The following GLIS3 variants were observed in gnomAD, a reference collection of about 807,000 sequenced individuals.
GLIS3 encodes the protein GLIS family zinc finger 3.
In GLIS3, 53 loss-of-function variants were observed where a neutral mutation model predicts 78.6. The observed-to-expected ratio is 0.67, with a 90% confidence interval of 0.54 to 0.85. The LOEUF (loss-of-function observed/expected upper bound fraction) is 0.85. Ranked by LOEUF, GLIS3 falls within the 40% of genes least tolerant of loss-of-function variation. GLIS3 has a pLI of 0.00. For synonymous variants in GLIS3, 684 were observed against 509.9 expected, an observed-to-expected ratio of 1.34 and a Z score of -4.60; for missense variants, 1,703 against 1,231.1, an observed-to-expected ratio of 1.38 and a Z score of -5.74.
intron 8 of GLIS3, among the ~76,000 whole-genome samples, chr9:3,856,601 T>C (rs981920132): frequency 6.6e-5 from 10 of 152,174 alleles, no homozygotes; most frequent in African/African-American, 2.4e-4. Context: ...CTCACAAACA[T>C]TTTGTTTGTT....
chr9:4,450,375 G>C, the GLIS3 span, among the ~76,000 whole-genome samples: 1 of 152,182 alleles, frequency 6.6e-6, no homozygotes, highest in Non-Finnish European at 1.5e-5. Context: ...CGTTTGATTG[G>C]TGTACCTGAA....
chr9:4,458,750 A>G, the GLIS3 span, among the ~76,000 whole-genome samples: 1 of 152,156 alleles, frequency 6.6e-6, no homozygotes, highest in East Asian at 1.9e-4. Context: ...GTGAGATGAG[A>G]TCGCACCACT....
Position 4,342,734 on chromosome 9 carries a change from G to C in GLIS3, n.264+4347C>G, listed in dbSNP as rs116015717. Among the ~76,000 whole-genome samples, 1,087 of 152,250 alleles carry C rather than the reference G, an allele frequency of 7.1e-3. 17 individuals are homozygous for C. Among genetic ancestry groups the C allele is most frequent in the African/African-American group, 0.024 (1,008 of 41,532 alleles). ...TTGATTCTTCCAATCCATGAGCATGGCATGTTTTTGCATTTGTTTGTGTCA... is the reference window on the plus strand; with the variant it reads ...TTGATTCTTCCAATCCATGAGCATGCCATGTTTTTGCATTTGTTTGTGTCA... On this transcript the variant is annotated intron_variant and non_coding_transcript_variant, in intron 2 of 4. Transcript: ENST00000471664.
At chr9:3,834,911 C>T (rs1251338995) in intron 9 of GLIS3, among the ~76,000 whole-genome samples, 7 of 152,168 alleles carry the variant, frequency 4.6e-5, no homozygotes, top group Admixed American at 4.6e-4. Flanking sequence ...AAATGTGTCA[C>T]CCACTTTCTT....
At position 4,198,495 on chromosome 9, in the gene GLIS3, C is replaced by T. The variant is rs149056088; in HGVS notation, c.389-72554G>A. 5.3e-3 allele frequency among the ~76,000 whole-genome samples: 808 copies of T among 152,164 alleles called. 6 individuals carry two copies. Among genetic ancestry groups the T allele is most frequent in the Middle Eastern group, 0.01 (3 of 294 alleles). ...AACCAGTCTTTCAAACTAACCCCAT[C>T]ACACAAAACTAAAGAAAAAAAGAAT... On this transcript the variant is annotated intron_variant, in intron 2 of 10. Transcript: ENST00000381971.
the GLIS3 span, among the ~76,000 whole-genome samples, chr9:4,361,721 G>T: frequency 6.6e-6 from 1 of 152,154 alleles, no homozygotes; most frequent in African/African-American, 2.4e-5. Flanking sequence ...GGAAGAGTCG[G>T]CATTAAAAGT....
At chr9:4,452,478 C>A in the GLIS3 span, among the ~76,000 whole-genome samples, 11 of 152,164 alleles carry the variant, frequency 7.2e-5, no homozygotes, top group South Asian at 2.1e-4. Context: ...AGCAAAGTCT[C>A]GGGATACAAA....
chr9:4,131,066 G>C (rs187676314), intron 2 of GLIS3, among the ~76,000 whole-genome samples: 1 of 152,194 alleles, frequency 6.6e-6, no homozygotes, highest in Non-Finnish European at 1.5e-5. Flanking sequence ...CTGCCCTAGG[G>C]GGGGTTGGGG....
At chr9:3,920,057 G>A (rs903907092) in intron 6 of GLIS3, among the ~76,000 whole-genome samples, 4 of 143,244 alleles carry the variant, frequency 2.8e-5, no homozygotes, top group South Asian at 2.2e-4. Flanking sequence ...AGGCTGGAGT[G>A]CAGTGGCACG....
intron 2 of GLIS3, among the ~76,000 whole-genome samples, chr9:4,247,129 C>T (rs1054112163): frequency 1.3e-4 from 20 of 152,118 alleles, no homozygotes; most frequent in African/African-American, 3.9e-4. Context: ...ACCAAAAGCG[C>T]GATAAAAGCA....
Position 3,932,372 on chromosome 9 carries a change from T to A in GLIS3, c.1971A>T (p.Gln657His). 6.2e-7 allele frequency: 1 copy of A among 1,612,646 alleles called. No homozygotes were observed. Among genetic ancestry groups the A allele is most frequent in the Non-Finnish European group, 8.5e-7 (1 of 1,178,790 alleles). The stretch of plus-strand genomic sequence containing the variant: ...CTTTTAAAATTACCTTTTTCCTTGC[T>A]TGTTGCTCTTTGGAAGAATGTGCCT... ...HVKAHSSKEQ[Q>H]ARKKLRSSTE... The change falls in exon 6 of 11, where the codon CAA becomes CAT. Residue 657 changes from glutamine to histidine, a missense_variant. Physicochemically the swap from Gln to His is conservative, Grantham distance 24 (BLOSUM62 0). Coordinates refer to ENST00000381971, the MANE Select transcript of GLIS3 (RefSeq NM_001042413.2).
intron 2 of GLIS3, among the ~76,000 whole-genome samples, chr9:4,217,076 T>A (rs1466844882): frequency 6.6e-6 from 1 of 152,206 alleles, no homozygotes; most frequent in Admixed American, 6.5e-5. Context: ...TTTGTATTTG[T>A]CAGCCCCTTC....
intron 8 of GLIS3, among the ~76,000 whole-genome samples, chr9:3,877,147 G>C (rs1417460719): frequency 6.6e-6 from 1 of 152,134 alleles, no homozygotes; most frequent in Non-Finnish European, 1.5e-5. Flanking sequence ...ACGACATTGT[G>C]GATGGAGTAA....
At chr9:3,880,240 C>T (rs1481339714) in intron 7 of GLIS3, among the ~76,000 whole-genome samples, 1 of 152,162 alleles carries the variant, frequency 6.6e-6, no homozygotes, top group Non-Finnish European at 1.5e-5. Flanking sequence ...TTCGGGATCT[C>T]CCCCCACTGT....
rs548419496 is a variant in GLIS3, at chr9:3,834,869, A to G, written c.2474-5377T>C. Among the ~76,000 whole-genome samples the G allele has an allele frequency of 9.2e-5, 14 of 152,296 alleles. No individual in the cohort carries two copies. In the East Asian group the frequency reaches 1.2e-3, roughly 13 times the overall value. On this transcript the variant is annotated intron_variant, in intron 9 of 10. Coordinates refer to ENST00000381971, the MANE Select transcript of GLIS3 (RefSeq NM_001042413.2). ...GCACTCCAACCCTCCTAGAGGTACT[A>G]TGTTCCCTTCTGAAGCAGCAGCAGA...
chr9:4,319,874 A>G (rs967445530), intron 2 of GLIS3, among the ~76,000 whole-genome samples: 4 of 152,194 alleles, frequency 2.6e-5, no homozygotes, highest in Non-Finnish European at 4.4e-5. Flanking sequence ...GAGTAAACTA[A>G]TATTAATGAA....
intron 2 of GLIS3, among the ~76,000 whole-genome samples, chr9:4,278,540 A>T (rs7025792): frequency 0.025 from 3,729 of 152,072 alleles, 117 homozygotes; most frequent in African/African-American, 0.077. Flanking sequence ...AGAATAATTT[A>T]AAAAAAATCC....
chr9:4,391,030 C>T, the GLIS3 span, among the ~76,000 whole-genome samples: 14 of 152,338 alleles, frequency 9.2e-5, no homozygotes, highest in Admixed American at 7.2e-4. Context: ...CTCCTGTCTT[C>T]TCCTCTGTTT....
rs191712392 is a variant in GLIS3 at position 3,969,695 on chromosome 9, T to A, written c.1711-32506A>T. Among the ~76,000 whole-genome samples, 3 of 152,318 alleles carry A rather than the reference T, an allele frequency of 2.0e-5. No homozygotes were observed. In the East Asian group the frequency reaches 5.8e-4, roughly 29 times the overall value. ...ATACAGCCACTGTGAAGAACTCAGC[T>A]TGCTGTGTATGAAGCTACCAAAATA... On this transcript the variant is annotated intron_variant, in intron 4 of 10. Transcript: ENST00000381971.
Sources: gnomAD v4.1 joint callset for allele counts (sites outside exome capture counted in the v4.1 genomes callset) on GRCh38, gnomAD v4.1.1 for gene constraint, MANE v1.5 for transcripts, NCBI Gene and HGNC (gene_info 2026-07-23, HGNC 2026-07-21) for gene names.